USP6: variants seen among roughly 807,000 people sequenced by gnomAD.
USP6 encodes ubiquitin carboxyl-terminal hydrolase 6.
In USP6, 128 loss-of-function variants were observed where a neutral mutation model predicts 175.7. The ratio of observed to expected loss-of-function variants is 0.73; its 90% CI spans 0.63 to 0.84. The LOEUF (loss-of-function observed/expected upper bound fraction) is 0.84, where lower values mean the gene tolerates loss of function less well. Ranked by LOEUF, USP6 falls within the 40% of genes least tolerant of loss-of-function variation. The pLI, the probability that USP6 is intolerant of heterozygous loss-of-function variation, is 0.00. For synonymous variants in USP6, 562 were observed against 630.6 expected (o/e 0.89, Z 1.63); for missense variants, 1,498 against 1,760.3 (o/e 0.85, Z 2.67).
At chr17:5,128,648 C>G (rs1474265751) in intron 7 of USP6, 1 of 152,528 alleles carries the variant, frequency 6.6e-6, no homozygotes, top group Non-Finnish European at 1.5e-5. Flanking sequence ...TACACATGTG[C>G]ACGCATGTGC....
intron 19 of USP6, among the ~76,000 whole-genome samples, chr17:5,137,413 C>G (rs1485848001): frequency 6.6e-6 from 1 of 152,232 alleles, no homozygotes; most frequent in African/African-American, 2.4e-5. Flanking sequence ...CTTGAGAGGG[C>G]TCAGGGAAGC....
chr17:5,136,254 C>T (rs1443210772), intron 17 of USP6, among the ~76,000 whole-genome samples: 1 of 152,222 alleles, frequency 6.6e-6, no homozygotes, highest in African/African-American at 2.4e-5. Context: ...TGCCTGGGCT[C>T]CTGCTGCCCT....
In USP6 at chr17:5,128,970, G is replaced by A. The variant is rs1347042765; in HGVS notation, c.-319G>A. The A allele has an allele frequency of 6.5e-6, 1 of 152,784 alleles. No individual in the cohort carries two copies. The highest frequency in any genetic ancestry group is 2.4e-5 in the African/African-American group (1 of 41,462). 9.5% of individuals were successfully genotyped at this position (152,784 alleles called of 1,614,324 possible). On this transcript the variant is annotated 5_prime_UTR_variant, in exon 8 of 38. An upstream open reading frame in the 5' UTR gains an earlier in-frame stop. Coordinates refer to ENST00000574788, the MANE Select transcript of USP6 (RefSeq NM_001304284.2). ...CCTCCAGGCTGACTTGGGGACAGTG[G>A]CTATGGTATGGGCGGTGTTGGCCTC...
chr17:5,160,556 A>G (rs1209515424), intron 31 of USP6, among the ~76,000 whole-genome samples: 1 of 152,230 alleles, frequency 6.6e-6, no homozygotes, highest in Non-Finnish European at 1.5e-5. Context: ...CCATCTTGAC[A>G]TAATCATTGG....
chr17:5,120,871 A>G (rs1015707652), intron 3 of USP6, 83 bp downstream of exon 3: 2 of 454,456 alleles, frequency 4.4e-6, no homozygotes, highest in Non-Finnish European at 8.8e-6. Flanking sequence ...TGGCAGATCC[A>G]CAGGCTGTCC....
chr17:5,159,278 G>C (rs767623923), intron 31 of USP6, among the ~76,000 whole-genome samples: 18 of 152,284 alleles, frequency 1.2e-4, no homozygotes, highest in Admixed American at 6.5e-5. Flanking sequence ...AGGATACCGG[G>C]AATTGAGATT....
chr17:5,123,298 C>CG (rs1298244929), intron 4 of USP6, among the ~76,000 whole-genome samples: 1 of 151,968 alleles, frequency 6.6e-6, no homozygotes, highest in Non-Finnish European at 1.5e-5. Flanking sequence ...CCCGCACCGC[C>CG]GGTGGGGGGG....
At chr17:5,167,044 G>A (rs1311798141) in intron 33 of USP6, among the ~76,000 whole-genome samples, 1 of 152,156 alleles carries the variant, frequency 6.6e-6, no homozygotes, top group Non-Finnish European at 1.5e-5. Flanking sequence ...CATGAGGGAG[G>A]AGACAGATAA....
Position 5,132,073 on chromosome 17 carries a change from C to T in USP6, c.156-323C>T, listed in dbSNP as rs1282284692. On this transcript the variant is annotated intron_variant, in intron 11 of 37. Transcript: ENST00000574788. The surrounding 1 kb of genome is among the most constrained non-coding windows in gnomAD (Gnocchi z 4.7). ...ATGCTGGGTGGCCCCCATCCCATCT[C>T]AGGGCTAACCTTTCTCAGCTCCAGC... is the stretch of plus-strand genomic sequence containing the variant. The T allele has an allele frequency of 3.5e-5, 32 of 920,214 alleles. 1 individual carries two copies. The East Asian group carries it at 5.6e-4, about 16-fold the overall frequency. The allele number at this position is 920,214 out of a possible 1,614,324, so 57.0% of individuals were successfully genotyped here. A position where few individuals can be genotyped will look rare whatever the true frequency, so the allele number is the denominator to read the frequency against.
rs374616130 is a variant in USP6 at position 5,145,279 on chromosome 17, A to C, written c.1993-126A>C. On this transcript the variant is annotated intron_variant, in intron 26 of 37. Coordinates refer to ENST00000574788, the MANE Select transcript of USP6 (RefSeq NM_001304284.2). Reference sequence around the variant, plus strand: ...CCATCTCAATTTAATATTTTATGTTAAATGAAGAGTAAGGATTATATTCTT... The same window carrying C: ...CCATCTCAATTTAATATTTTATGTTCAATGAAGAGTAAGGATTATATTCTT... 40 of 1,191,326 alleles carry C rather than the reference A, an allele frequency of 3.4e-5. No individual in the cohort carries two copies. In the African/African-American group the frequency reaches 6.3e-4, roughly 19 times the overall value. The allele number at this position is 1,191,326 out of a possible 1,614,324, so 73.8% of individuals were successfully genotyped here.
chr17:5,129,680 C>T (rs2072999470), intron 8 of USP6: 1 of 152,944 alleles, frequency 6.5e-6, no homozygotes, highest in Non-Finnish European at 1.5e-5. Context: ...ATCAGTGACC[C>T]AGGAAAATGA....
intron 37 of USP6, 135 bp downstream of exon 37, chr17:5,171,814 A>C (rs1401979118): frequency 5.1e-6 from 5 of 980,324 alleles, no homozygotes; most frequent in East Asian, 2.7e-5. Context: ...TGTCAGTATT[A>C]AAGGAACAAA....
chr17:5,153,443 C>G (rs544544960), intron 30 of USP6, among the ~76,000 whole-genome samples: 4 of 150,146 alleles, frequency 2.7e-5, no homozygotes, highest in African/African-American at 4.9e-5. Context: ...TGCGCCACCA[C>G]GCCCGGCTAA....
chr17:5,132,249 C>A lies in USP6; in HGVS notation c.156-147C>A. The A allele has an allele frequency of 6.3e-7, 1 of 1,596,570 alleles. No homozygotes were observed. Among genetic ancestry groups the A allele is most frequent in the South Asian group, 1.1e-5 (1 of 90,136 alleles). ...CCTGGGAGTCAGAGCCACAGGAAGGCCCTTGTCCTCCCTTCCCTGTGCCTT... is the reference window on the plus strand; with the variant it reads ...CCTGGGAGTCAGAGCCACAGGAAGGACCTTGTCCTCCCTTCCCTGTGCCTT... On this transcript the variant is annotated intron_variant, in intron 11 of 37. Transcript: ENST00000574788. The surrounding 1 kb of genome is among the most constrained non-coding windows in gnomAD (Gnocchi z 4.7).
At chr17:5,119,300 G>A (rs770851228) in intron 2 of USP6, among the ~76,000 whole-genome samples, 5 of 152,178 alleles carry the variant, frequency 3.3e-5, no homozygotes, top group African/African-American at 7.2e-5. Flanking sequence ...TCCCTAACAG[G>A]TAGGTTTTAT....
chr17:5,168,938 A>G lies in USP6; in HGVS notation c.3400A>G (p.Arg1134Gly). 6.2e-7 allele frequency: 1 copy of G among 1,614,010 alleles called. No homozygotes were observed. Residue 1134 changes from arginine (R) to glycine (G), a missense_variant, in exon 35 of 38, where the codon AGG becomes GGG. Transcript: ENST00000574788. ...CCAGGGGGATGAGCTCTCCAAGCCCAGGATTCTGGCAAGAGAGGTGAAGAA... is the reference window on the plus strand; with the variant it reads ...CCAGGGGGATGAGCTCTCCAAGCCCGGGATTCTGGCAAGAGAGGTGAAGAA... ...TPQGDELSKP[R>G]ILAREVKKVD... is the part of the protein sequence containing the mutation.
Position 5,169,164 on chromosome 17 carries a change from A to T in USP6, c.3517+109A>T, listed in dbSNP as rs1417371591. On this transcript the variant is annotated intron_variant, in intron 35 of 37. Transcript: ENST00000574788. The stretch of plus-strand genomic sequence containing the variant: ...CAGGTTGGTTGGGTGGAAGGAACCT[A>T]TCTGGAATCAGACCTATCTGTATTT... The T allele has an allele frequency of 1.1e-5, 13 of 1,238,068 alleles. No homozygotes were observed. The African/African-American group carries it at 2.0e-4, about 19-fold the overall frequency. 76.7% of individuals were successfully genotyped at this position (1,238,068 alleles called of 1,614,324 possible). A position where few individuals can be genotyped will look rare whatever the true frequency, so the allele number is the denominator to read the frequency against.
chr17:5,139,452 C>T lies in USP6; in HGVS notation c.1276C>T (p.Pro426Ser), dbSNP rs1331979553. The change falls in exon 22 of 38, where the codon CCT becomes TCT. Residue 426 changes from proline to serine, a missense_variant. Coordinates refer to ENST00000574788, the MANE Select transcript of USP6 (RefSeq NM_001304284.2). Reference protein sequence around the residue: ...PGGAVREDTYPVGTQGVPSLA... With the variant: ...PGGAVREDTYSVGTQGVPSLA... ...TGGGGCTGTCCGGGAAGACACGTAC[C>T]CTGTGGGCACTCAGGGTGTGCCCAG... 6.2e-7 allele frequency: 1 copy of T among 1,613,024 alleles called. No individual in the cohort carries two copies. Among genetic ancestry groups the T allele is most frequent in the East Asian group, 2.2e-5 (1 of 44,878 alleles).
At chr17:5,159,226 T>C (rs529601517) in intron 31 of USP6, among the ~76,000 whole-genome samples, 1 of 152,256 alleles carries the variant, frequency 6.6e-6, no homozygotes, top group East Asian at 1.9e-4. Flanking sequence ...TTTGAATAAG[T>C]AGTAAGTAAC....
Sources: allele counts gnomAD v4.1 joint callset (sites outside exome capture counted in the v4.1 genomes callset), GRCh38; gene constraint gnomAD v4.1.1; non-coding constraint Gnocchi (gnomAD v3.1); transcripts MANE v1.5; gene names NCBI Gene and HGNC (gene_info 2026-07-23, HGNC 2026-07-21).